The following PIGN variants were observed in gnomAD, a reference collection of about 807,000 sequenced individuals.
PIGN encodes phosphatidylinositol glycan anchor biosynthesis class N, also known as GPI ethanolamine phosphate transferase 1.
Under a neutral mutation model 125.4 loss-of-function variants are expected in PIGN, and 117 were observed. That is an observed-to-expected ratio of 0.93 (90% CI 0.80 to 1.09). The LOEUF is 1.09. PIGN is among the 50% of genes least tolerant of loss of function. The probability of loss-of-function intolerance (pLI) is 0.00; values close to 1 mark genes in which losing one functional copy is unlikely to be tolerated. For missense variants in PIGN, 1,075 were observed against 1,094.9 expected (o/e 0.98, Z 0.26); for synonymous variants, 392 against 377.8 (o/e 1.04, Z -0.44).
In PIGN at chr18:62,138,473, C is replaced by T. The variant is rs2298780; in HGVS notation, c.1117-175G>A. Among the ~76,000 whole-genome samples the T allele has an allele frequency of 0.18, 27,396 of 152,114 alleles. 2,824 individuals are homozygous for T. The highest frequency in any genetic ancestry group is 0.22 in the Non-Finnish European group (15,189 of 67,978). ...TAAAGAAAAATTTAACATTTTCTTA[C>T]TATCTCAATAAGCTGAGAATTAAAC... On this transcript the variant is annotated intron_variant, in intron 13 of 30. Coordinates refer to ENST00000640252, the MANE Select transcript of PIGN (RefSeq NM_176787.5).
Position 62,161,033 on chromosome 18 carries a change from C to T in PIGN, c.221+100G>A, listed in dbSNP as rs149379253. 391 of 713,536 alleles carry T rather than the reference C, an allele frequency of 5.5e-4. 1 individual carries two copies. In the African/African-American group the frequency reaches 6.2e-3, roughly 11 times the overall value. The allele number at this position is 713,536 out of a possible 1,614,324, so 44.2% of individuals were successfully genotyped here. On this transcript the variant is annotated intron_variant, in intron 4 of 30. Coordinates refer to ENST00000640252, the MANE Select transcript of PIGN (RefSeq NM_176787.5). Reference sequence around the variant, plus strand: ...TGCCCTATTCTCTTTCTCATCATCACCCCTGTGCCCAGTGCATGATAAATA... The same window carrying T: ...TGCCCTATTCTCTTTCTCATCATCATCCCTGTGCCCAGTGCATGATAAATA...
chr18:62,039,216 C>G (rs1437313759), downstream of PIGN, among the ~76,000 whole-genome samples: 1 of 151,910 alleles, frequency 6.6e-6, no homozygotes, highest in Admixed American at 6.6e-5. Context: ...TTTAAATAAT[C>G]TTGTTATTTT....
Position 62,072,970 on chromosome 18 carries a change from AAAG to A in PIGN, c.2620-248_2620-246del, listed in dbSNP as rs139715772. Among the ~76,000 whole-genome samples, 906 of 152,302 alleles carry A rather than the reference AAAG, an allele frequency of 5.9e-3. 7 individuals are homozygous for A. The highest frequency in any genetic ancestry group is 0.027 in the Middle Eastern group (8 of 294). ...GTGACATTTCTGAATAATTAGAAAT[AAAG>A]AAGAACAAGCCAACATCAATAAAAA... On this transcript the variant is annotated intron_variant, in intron 29 of 30. Transcript: ENST00000640252.
intron 10 of PIGN, among the ~76,000 whole-genome samples, chr18:62,145,293 C>T (rs2036283333): frequency 6.6e-6 from 1 of 152,106 alleles, no homozygotes; most frequent in Non-Finnish European, 1.5e-5. Flanking sequence ...GTCAATGTCT[C>T]CCCTGTGGAC....
intron 30 of PIGN, among the ~76,000 whole-genome samples, chr18:62,067,535 T>C (rs12458350): frequency 0.33 from 50,715 of 151,912 alleles, 9,342 homozygotes; most frequent in East Asian, 0.63. Flanking sequence ...TCTGTGACTA[T>C]AGTTTTGCCT....
chr18:62,146,949 T>C (rs748043585), intron 9 of PIGN, 22 bp downstream of exon 9: 3 of 1,607,164 alleles, frequency 1.9e-6, no homozygotes, highest in South Asian at 1.1e-5. Context: ...GTAAGGTACA[T>C]ATCAATTAAA....
intron 14 of PIGN, among the ~76,000 whole-genome samples, chr18:62,129,365 G>A (rs1218349217): frequency 6.6e-6 from 1 of 152,324 alleles, no homozygotes; most frequent in South Asian, 2.1e-4. Flanking sequence ...TTAGTGTCAA[G>A]TTAATGAAAG....
chr18:62,091,679 T>C (rs1289367800), intron 23 of PIGN, among the ~76,000 whole-genome samples: 4 of 152,160 alleles, frequency 2.6e-5, no homozygotes, highest in Non-Finnish European at 5.9e-5. Context: ...GAAGAAATGC[T>C]CATGAGACAA....
intron 23 of PIGN, among the ~76,000 whole-genome samples, chr18:62,091,908 TTATC>T (rs2046794489): frequency 6.6e-6 from 1 of 152,220 alleles, no homozygotes; most frequent in Non-Finnish European, 1.5e-5. Flanking sequence ...AGTGAGTTAT[TTATC>T]TAATCAGAAG....
chr18:62,053,642 A>C (rs953612109), intron 30 of PIGN, among the ~76,000 whole-genome samples: 1 of 152,196 alleles, frequency 6.6e-6, no homozygotes, highest in Non-Finnish European at 1.5e-5. Context: ...GATAAAATAG[A>C]CTTCAGAGCA....
chr18:62,030,237 G>A (rs1297966544), intron 23 of PIGN, among the ~76,000 whole-genome samples: 6 of 152,192 alleles, frequency 3.9e-5, no homozygotes, highest in African/African-American at 9.6e-5. Flanking sequence ...ATGGTGTCAG[G>A]CCCTGTTGCA....
chr18:62,152,784 AC>A (rs1220304525), intron 7 of PIGN, among the ~76,000 whole-genome samples: 1 of 152,070 alleles, frequency 6.6e-6, no homozygotes, highest in Non-Finnish European at 1.5e-5. Context: ...CGTAAGTTAA[AC>A]CATTGTTAAG....
chr18:62,073,936 TG>T (rs2033032788), intron 29 of PIGN, among the ~76,000 whole-genome samples: 1 of 152,328 alleles, frequency 6.6e-6, no homozygotes, highest in African/African-American at 2.4e-5. Context: ...TGATATATGA[TG>T]AGGGCTTTGG....
At chr18:62,148,145 T>C (rs1344116554) in intron 8 of PIGN, 69 bp downstream of exon 8, 1 of 1,249,840 alleles carries the variant, frequency 8.0e-7, no homozygotes, top group East Asian at 2.8e-5. Context: ...CAAAGAAAAC[T>C]TTATAATAAA....
chr18:62,109,621 G>A (rs1292952997), intron 17 of PIGN, among the ~76,000 whole-genome samples: 1 of 152,030 alleles, frequency 6.6e-6, no homozygotes, highest in Non-Finnish European at 1.5e-5. Flanking sequence ...GAAAAATAAA[G>A]ATGAAGTCAA....
intron 14 of PIGN, among the ~76,000 whole-genome samples, chr18:62,127,701 T>G (rs1373612641): frequency 6.6e-6 from 1 of 151,890 alleles, no homozygotes; most frequent in African/African-American, 2.4e-5. Context: ...TTTTTTGTTT[T>G]GTTTTTTGAG....
intron 25 of PIGN, chr18:62,088,268 A>G (rs1246910162): frequency 6.6e-6 from 1 of 152,310 alleles, no homozygotes; most frequent in Non-Finnish European, 1.5e-5. Flanking sequence ...CCTCTGCCAT[A>G]CTGTCTTTCA....
At chr18:62,089,608 T>C (rs1470740675) in intron 24 of PIGN, among the ~76,000 whole-genome samples, 1 of 152,154 alleles carries the variant, frequency 6.6e-6, no homozygotes, top group African/African-American at 2.4e-5. Flanking sequence ...ATGAATCTGC[T>C]CAAAACTGCT....
At position 62,161,368 on chromosome 18, in the gene PIGN, A is replaced by C; in HGVS notation, c.-15T>G. ...AACAGCAGCATATCCAGTGTAACTA[A>C]TTAGTCTTCAAGAACAGCTGAAAGA... On this transcript the variant is annotated 5_prime_UTR_variant, in exon 4 of 31. Transcript: ENST00000640252. The C allele has an allele frequency of 3.2e-6, 5 of 1,569,462 alleles. No individual in the cohort carries two copies. The highest frequency in any genetic ancestry group is 4.4e-6 in the Non-Finnish European group (5 of 1,143,014).
Sources: gnomAD v4.1 joint callset for allele counts (sites outside exome capture counted in the v4.1 genomes callset) on GRCh38, gnomAD v4.1.1 for gene constraint, MANE v1.5 for transcripts, NCBI Gene and HGNC (gene_info 2026-07-23, HGNC 2026-07-21) for gene names.